Variants in TTC7B observed in about 807,000 individuals in gnomAD.
TTC7B encodes the protein tetratricopeptide repeat protein 7B.
A neutral mutation model predicts 106.8 loss-of-function variants in TTC7B; 28 were observed. That is an observed-to-expected ratio of 0.26 (90% confidence interval 0.19 to 0.36). The LOEUF is 0.36. Ranked by LOEUF, TTC7B falls within the 10% of genes least tolerant of loss-of-function variation. The pLI, the probability that TTC7B is intolerant of heterozygous loss-of-function variation, is 1.00. For synonymous variants in TTC7B, 405 were observed against 430.6 expected, an observed-to-expected ratio of 0.94 and a Z score of 0.74; for missense variants, 862 against 1,076.4, an observed-to-expected ratio of 0.80 and a Z score of 2.79.
intron 19 of TTC7B, among the ~76,000 whole-genome samples, chr14:90,563,937 G>A (rs1358763935): frequency 1.3e-5 from 2 of 152,030 alleles, no homozygotes; most frequent in African/African-American, 2.4e-5. Context: ...TTCCCACCAC[G>A]TCTGCTGTTG....
At chr14:90,704,321 G>A (rs534487120) in intron 5 of TTC7B, among the ~76,000 whole-genome samples, 6 of 152,304 alleles carry the variant, frequency 3.9e-5, no homozygotes, top group South Asian at 2.1e-4. Context: ...AATCTGAACC[G>A]GTTTCTACGA....
chr14:90,567,763 A>C (rs1215825316), intron 19 of TTC7B: 1 of 152,290 alleles, frequency 6.6e-6, no homozygotes, highest in Non-Finnish European at 1.5e-5. Flanking sequence ...CATCTGTAAA[A>C]GGGGGTGATT....
intron 1 of TTC7B, among the ~76,000 whole-genome samples, chr14:90,799,452 C>G (rs2030109111): frequency 6.6e-6 from 1 of 152,166 alleles, no homozygotes. Context: ...AAGGGCCAGA[C>G]AGTGGTAAGA....
chr14:90,644,928 G>C (rs553308734), intron 14 of TTC7B: 3 of 152,334 alleles, frequency 2.0e-5, no homozygotes, highest in Admixed American at 6.5e-5. Flanking sequence ...GAACCTTTCA[G>C]TGCAACAGCT....
At chr14:90,587,360 G>A (rs537753619) in intron 18 of TTC7B, among the ~76,000 whole-genome samples, 1 of 152,342 alleles carries the variant, frequency 6.6e-6, no homozygotes, top group Non-Finnish European at 1.5e-5. Context: ...CATGACTTGA[G>A]CCTGGGCCCT....
intron 3 of TTC7B, among the ~76,000 whole-genome samples, chr14:90,760,291 G>A (rs543073912): frequency 6.6e-6 from 1 of 152,230 alleles, no homozygotes. Flanking sequence ...GCAGAGGATG[G>A]GTGGGACACA....
chr14:90,660,417 A>G (rs10147641), intron 9 of TTC7B, among the ~76,000 whole-genome samples: 8,683 of 115,974 alleles, frequency 0.075, 231 homozygotes, highest in Non-Finnish European at 0.087. Context: ...AAAAAAAAAA[A>G]AAAAGAAAAG....
chr14:90,590,401 C>G (rs976722307), intron 18 of TTC7B, among the ~76,000 whole-genome samples: 5 of 152,328 alleles, frequency 3.3e-5, no homozygotes, highest in African/African-American at 1.2e-4. Flanking sequence ...TCCACCTCCA[C>G]TGTGGGCTCC....
rs377516229 is a variant in TTC7B, at chr14:90,730,095, A to C, written c.678T>G (p.His226Gln). ...FFLETGLQRA[H>Q]VLYFKNGNLT... ...CTTACCCATTTTTGAAATAGAGGAC[A>C]TGGGCTCTCTGAAGTCCTGTTTCTA... The change falls in exon 5 of 20, where the codon CAT becomes CAG. Residue 226 changes from histidine (H) to glutamine (Q), a missense_variant. By Grantham distance (24) the His-to-Gln change is conservative. Transcript: ENST00000328459. The C allele has an allele frequency of 1.9e-6, 3 of 1,612,990 alleles. No homozygotes were observed. Among genetic ancestry groups the C allele is most frequent in the South Asian group, 1.1e-5 (1 of 90,838 alleles).
intron 9 of TTC7B, 81 bp from the exon 10 acceptor site, chr14:90,658,468 C>T: frequency 7.7e-7 from 1 of 1,301,504 alleles, no homozygotes; most frequent in Non-Finnish European, 1.1e-6. Context: ...TGTATCTATG[C>T]ACACTAAGGT....
At chr14:90,604,066 A>G (rs1417709853) in intron 17 of TTC7B, among the ~76,000 whole-genome samples, 1 of 152,226 alleles carries the variant, frequency 6.6e-6, no homozygotes, top group African/African-American at 2.4e-5. Flanking sequence ...CCTCCCCTGA[A>G]GAGTCAGGAC....
intron 5 of TTC7B, among the ~76,000 whole-genome samples, chr14:90,701,478 C>T (rs1222841026): frequency 2.6e-5 from 4 of 151,946 alleles, no homozygotes; most frequent in Non-Finnish European, 5.9e-5. Context: ...TTCCAACAGG[C>T]GTGCACAAGG....
intron 3 of TTC7B, among the ~76,000 whole-genome samples, chr14:90,764,119 C>A (rs1400698176): frequency 7.5e-6 from 1 of 132,452 alleles, no homozygotes; most frequent in Admixed American, 6.8e-5. Flanking sequence ...GACATACAGA[C>A]CAGTGGTACA....
At chr14:90,773,396 C>T (rs777708955) in intron 3 of TTC7B, among the ~76,000 whole-genome samples, 1 of 152,202 alleles carries the variant, frequency 6.6e-6, no homozygotes, top group Non-Finnish European at 1.5e-5. Context: ...CTCCCACTGA[C>T]AGGCAGCTCA....
chr14:90,723,037 C>T (rs944541984), intron 5 of TTC7B, among the ~76,000 whole-genome samples: 1 of 152,192 alleles, frequency 6.6e-6, no homozygotes, highest in Non-Finnish European at 1.5e-5. Context: ...AAGTCAAACC[C>T]GTCTTCTGGT....
chr14:90,775,932 C>G (rs975444391), intron 3 of TTC7B, among the ~76,000 whole-genome samples: 4 of 151,554 alleles, frequency 2.6e-5, no homozygotes, highest in Non-Finnish European at 5.9e-5. Flanking sequence ...TTTAAAATTT[C>G]CGGTTTAAAA....
At chr14:90,671,601 G>A (rs1436256421) in intron 9 of TTC7B, among the ~76,000 whole-genome samples, 1 of 152,088 alleles carries the variant, frequency 6.6e-6, no homozygotes, top group Non-Finnish European at 1.5e-5. Flanking sequence ...AAAATGAAGA[G>A]GAAAAAAAGA....
intron 19 of TTC7B, among the ~76,000 whole-genome samples, chr14:90,548,930 A>G (rs918592047): frequency 1.3e-5 from 2 of 152,064 alleles, no homozygotes; most frequent in Non-Finnish European, 2.9e-5. Context: ...GATCGAGACC[A>G]TCCTGGCTAA....
chr14:90,539,481 T>C lies in TTC7B; in HGVS notation c.*1887A>G, dbSNP rs1232343833. 2.0e-5 allele frequency: 3 copies of C among 152,422 alleles called. No individual in the cohort carries two copies. The East Asian group carries it at 5.8e-4, about 29-fold the overall frequency. The allele number at this position is 152,422 out of a possible 1,614,324, so 9.4% of individuals were successfully genotyped here. ...CCCAGGTCCTACATTGCAAATTCCA[T>C]GACTTATGACCACTCAAAGCCACAA... is the stretch of plus-strand genomic sequence containing the variant. On this transcript the variant is annotated 3_prime_UTR_variant, in exon 20 of 20. Transcript: ENST00000328459.
Sources: gnomAD v4.1 joint callset for allele counts (sites outside exome capture counted in the v4.1 genomes callset) on GRCh38, gnomAD v4.1.1 for gene constraint, MANE v1.5 for transcripts, NCBI Gene and HGNC (gene_info 2026-07-23, HGNC 2026-07-21) for gene names.